Variants in GALNT18 observed in about 807,000 individuals in gnomAD.
GALNT18 encodes polypeptide N-acetylgalactosaminyltransferase 18.
In GALNT18, 44 loss-of-function variants were observed where a neutral mutation model predicts 69.5. The ratio of observed to expected loss-of-function variants is 0.63; its 90% CI spans 0.50 to 0.81. The LOEUF (loss-of-function observed/expected upper bound fraction) is 0.81, where lower values mean the gene tolerates loss of function less well. GALNT18 is among the 40% of genes least tolerant of loss of function. The pLI is 0.00. For synonymous variants in GALNT18, 364 were observed against 318.2 expected, an observed-to-expected ratio of 1.14 and a Z score of -1.53; for missense variants, 715 against 810.0, an observed-to-expected ratio of 0.88 and a Z score of 1.42.
At position 11,591,159 on chromosome 11, in the gene GALNT18, CGTGTGT is replaced by C. The variant is rs142063535; in HGVS notation, c.235+30194_235+30199del. Among the ~76,000 whole-genome samples the C allele has an allele frequency of 1.1e-4, 16 of 148,958 alleles. No homozygotes were observed. The highest frequency in any genetic ancestry group is 2.7e-4 in the Admixed American group (4 of 14,960). On this transcript the variant is annotated intron_variant, in intron 1 of 10. Coordinates refer to ENST00000227756, the MANE Select transcript of GALNT18 (RefSeq NM_198516.3). The surrounding 1 kb of genome is among the most constrained non-coding windows in gnomAD (Gnocchi z 4.8). Reference sequence around the variant, plus strand: ...TGCTGACTCTGTAGGCCTAGGCTACCGTGTGTGTGTGTGTGTGTGTGTGTGTTAGTT... The same window carrying C: ...TGCTGACTCTGTAGGCCTAGGCTACCGTGTGTGTGTGTGTGTGTGTTAGTT...
chr11:11,293,162 T>C lies in GALNT18; in HGVS notation c.1544A>G (p.His515Arg). ...NVYYTSSQQI[H>R]VGILSPTVDD... Reference sequence around the variant, plus strand: ...CACGGTGGGGCTCAGAATGCCCACATGGATCTGCTGACTGCTCGTGTAGTA... The same window carrying C: ...CACGGTGGGGCTCAGAATGCCCACACGGATCTGCTGACTGCTCGTGTAGTA... Residue 515 changes from histidine to arginine, a missense_variant, in exon 10 of 11, where the codon CAT (histidine) becomes CGT (arginine). His to Arg is a conservative substitution (Grantham distance 29, BLOSUM62 0). Coordinates refer to ENST00000227756, the MANE Select transcript of GALNT18 (RefSeq NM_198516.3). 6 of 1,343,144 alleles carry C rather than the reference T, an allele frequency of 4.5e-6. No homozygotes were observed. In the East Asian group the frequency reaches 8.4e-5, roughly 19 times the overall value. The allele number at this position is 1,343,144 out of a possible 1,614,324, so 83.2% of individuals were successfully genotyped here. A position where few individuals can be genotyped will look rare whatever the true frequency, so the allele number is the denominator to read the frequency against.
intron 3 of GALNT18, among the ~76,000 whole-genome samples, chr11:11,424,413 C>T (rs139516934): frequency 1.3e-5 from 2 of 152,302 alleles, no homozygotes; most frequent in African/African-American, 4.8e-5. Context: ...GGCTATGTGG[C>T]CTTGAGCCTG....
chr11:11,452,100 C>T (rs76178528), intron 1 of GALNT18, among the ~76,000 whole-genome samples: 2,778 of 152,308 alleles, frequency 0.018, 74 homozygotes, highest in African/African-American at 0.063. Flanking sequence ...TGTGCCACCC[C>T]CAACATTTTC....
intron 3 of GALNT18, among the ~76,000 whole-genome samples, chr11:11,403,234 T>A (rs993137561): frequency 2.6e-5 from 4 of 152,164 alleles, no homozygotes; most frequent in Non-Finnish European, 5.9e-5. Context: ...ACTGTGTGAA[T>A]CCTCCACATC....
intron 1 of GALNT18, among the ~76,000 whole-genome samples, chr11:11,547,656 C>T (rs1382859474): frequency 6.6e-6 from 1 of 152,210 alleles, no homozygotes; most frequent in African/African-American, 2.4e-5. Flanking sequence ...TGCTCGAGAC[C>T]CTGCTACCAT....
At chr11:11,476,040 A>G (rs1856388994) in intron 1 of GALNT18, 1 of 152,214 alleles carries the variant, frequency 6.6e-6, no homozygotes, top group Admixed American at 6.5e-5. Flanking sequence ...AAATATGGAC[A>G]TGGCGAACGT....
intron 1 of GALNT18, among the ~76,000 whole-genome samples, chr11:11,485,649 T>A (rs1856628542): frequency 6.6e-6 from 1 of 152,048 alleles, no homozygotes; most frequent in Non-Finnish European, 1.5e-5. Context: ...AACACACACA[T>A]ACACATACCC....
intron 1 of GALNT18, among the ~76,000 whole-genome samples, chr11:11,527,274 C>A (rs573506333): frequency 5.8e-4 from 89 of 152,294 alleles, no homozygotes; most frequent in African/African-American, 2.0e-3. Flanking sequence ...TGGCACAGAA[C>A]CTATGTTTCA....
chr11:11,525,218 G>A (rs1330729911), intron 1 of GALNT18, among the ~76,000 whole-genome samples: 1 of 152,060 alleles, frequency 6.6e-6, no homozygotes, highest in African/African-American at 2.4e-5. Flanking sequence ...GGCCCAGAAT[G>A]CCATCCTAGC....
intron 1 of GALNT18, among the ~76,000 whole-genome samples, chr11:11,594,816 C>CATATAT (rs1206038267): frequency 0.14 from 16,469 of 121,066 alleles, 1,379 homozygotes; most frequent in Non-Finnish European, 0.18. Flanking sequence ...TTATCTTGGG[C>CATATAT]ATATATATAT....
chr11:11,549,704 G>A (rs1858146192), intron 1 of GALNT18, among the ~76,000 whole-genome samples: 1 of 152,184 alleles, frequency 6.6e-6, no homozygotes, highest in Non-Finnish European at 1.5e-5. Flanking sequence ...TTTATTTCAA[G>A]TAGTGGTAAC....
rs1855000862 is a variant in GALNT18, at chr11:11,421,360, G to T, written c.595+11261C>A. Among the ~76,000 whole-genome samples, 1 of 152,296 alleles carries T rather than the reference G, an allele frequency of 6.6e-6. No homozygotes were observed. The highest frequency in any genetic ancestry group is 1.5e-5 in the Non-Finnish European group (1 of 68,030). ...GATATACTTAGGCATCACTAAGGAT[G>T]CTCATTTCAGGAGGAGCTTATCGGT... is the stretch of plus-strand genomic sequence containing the variant. On this transcript the variant is annotated intron_variant, in intron 3 of 10. Coordinates refer to ENST00000227756, the MANE Select transcript of GALNT18 (RefSeq NM_198516.3). The surrounding 1 kb of genome is among the most constrained non-coding windows in gnomAD (Gnocchi z 5.6).
At chr11:11,446,823 G>A (rs1855664438) in intron 2 of GALNT18, among the ~76,000 whole-genome samples, 2 of 152,168 alleles carry the variant, frequency 1.3e-5, no homozygotes, top group African/African-American at 2.4e-5. Context: ...CTGTCTCACA[G>A]AGTAAATGCT....
chr11:11,481,037 C>T (rs747011742), intron 1 of GALNT18, among the ~76,000 whole-genome samples: 1 of 152,062 alleles, frequency 6.6e-6, no homozygotes, highest in South Asian at 2.1e-4. Flanking sequence ...TCCTCAGCAC[C>T]GACTTTCCAA....
chr11:11,531,298 C>G (rs1049253423), intron 1 of GALNT18, among the ~76,000 whole-genome samples: 1 of 152,180 alleles, frequency 6.6e-6, no homozygotes, highest in Admixed American at 6.5e-5. Flanking sequence ...GCTAGGAACC[C>G]TGCTAGCATT....
At position 11,435,124 on chromosome 11, in the gene GALNT18, C is replaced by T. The variant is rs989091783; in HGVS notation, c.429-2337G>A. Among the ~76,000 whole-genome samples, 2 of 152,256 alleles carry T rather than the reference C, an allele frequency of 1.3e-5. No homozygotes were observed. The highest frequency in any genetic ancestry group is 2.9e-5 in the Non-Finnish European group (2 of 68,042). ...AAGTTCACTGTCCTCCCTACTAAAA[C>T]TCCACCAGCAATGAAGACTTTGCTT... is the stretch of plus-strand genomic sequence containing the variant. On this transcript the variant is annotated intron_variant, in intron 2 of 10. Coordinates refer to ENST00000227756, the MANE Select transcript of GALNT18 (RefSeq NM_198516.3). The surrounding 1 kb of genome is among the most constrained non-coding windows in gnomAD (Gnocchi z 4.4).
Position 11,372,472 on chromosome 11 carries a change from G to T in GALNT18, c.1092+43C>A. 6.7e-7 allele frequency: 1 copy of T among 1,489,302 alleles called. No individual in the cohort carries two copies. The highest frequency in any genetic ancestry group is 9.4e-7 in the Non-Finnish European group (1 of 1,066,276). The allele number at this position is 1,489,302 out of a possible 1,614,324, so 92.3% of individuals were successfully genotyped here. A position where few individuals can be genotyped will look rare whatever the true frequency, so the allele number is the denominator to read the frequency against. On this transcript the variant is annotated intron_variant, in intron 6 of 10. Transcript: ENST00000227756. This position sits in a 1 kb window ranked among gnomAD's most constrained non-coding sequence, Gnocchi z 4.9. ...TCCACCCCCAGACTCATTCACCCTG[G>T]TGGGAGCTGAGCCGAGCAGTTTGAG...
Position 11,435,163 on chromosome 11 carries a change from C to T in GALNT18, c.429-2376G>A, listed in dbSNP as rs560585701. ...AAGACTTTGCTTCTGTATCTCTCTG[C>T]ACTTCCCCACGGGGTCTGCACTGCG... On this transcript the variant is annotated intron_variant, in intron 2 of 10. Coordinates refer to ENST00000227756, the MANE Select transcript of GALNT18 (RefSeq NM_198516.3). This position sits in a 1 kb window ranked among gnomAD's most constrained non-coding sequence, Gnocchi z 4.4. Among the ~76,000 whole-genome samples, 22 of 152,362 alleles carry T rather than the reference C, an allele frequency of 1.4e-4. No homozygotes were observed. The highest frequency in any genetic ancestry group is 8.3e-4 in the South Asian group (4 of 4,828).
In GALNT18 at chr11:11,523,394, C is replaced by G. The variant is rs12798935; in HGVS notation, c.236-74458G>C. 0.25 allele frequency among the ~76,000 whole-genome samples: 37,438 copies of G among 151,882 alleles called. 5,322 individuals are homozygous for G. Among genetic ancestry groups the G allele is most frequent in the South Asian group, 0.37 (1,786 of 4,804 alleles). ...CTTGCTTGCTCTGTGCAGAGGTAAC[C>G]GAGAGCTACCTCTAGAGGTCTTCAA... On this transcript the variant is annotated intron_variant, in intron 1 of 10. Transcript: ENST00000227756. This position sits in a 1 kb window ranked among gnomAD's most constrained non-coding sequence, Gnocchi z 4.3.
Sources: allele counts gnomAD v4.1 joint callset (sites outside exome capture counted in the v4.1 genomes callset), GRCh38; gene constraint gnomAD v4.1.1; non-coding constraint Gnocchi (gnomAD v3.1); transcripts MANE v1.5; gene names NCBI Gene and HGNC (gene_info 2026-07-23, HGNC 2026-07-21).